EDA: variants seen among roughly 807,000 people sequenced by gnomAD.
The protein encoded by EDA is ectodysplasin A, also known as ectodysplasin-A.
In EDA, 2 loss-of-function variants were observed where a neutral mutation model predicts 23.6. That is an observed-to-expected ratio of 0.08 (90% CI 0.03 to 0.27). The LOEUF is 0.27. EDA is among the 10% of genes least tolerant of loss of function. EDA has a pLI of 1.00. For missense variants in EDA, 229 were observed against 324.2 expected, an observed-to-expected ratio of 0.71 and a Z score of 2.26; for synonymous variants, 131 against 132.0, an observed-to-expected ratio of 0.99 and a Z score of 0.05.
intron 1 of EDA, among the ~76,000 whole-genome samples, chrX:69,820,426 G>A (rs2016191380): frequency 8.9e-6 from 1 of 111,940 alleles, no homozygotes; most frequent in African/African-American, 3.2e-5. Flanking sequence ...CTTCTGCACA[G>A]CAAATGAAAC....
chrX:69,947,309 C>T (rs1200403756), intron 1 of EDA, among the ~76,000 whole-genome samples: 2 of 112,264 alleles, frequency 1.8e-5, no homozygotes, highest in Non-Finnish European at 3.8e-5. Flanking sequence ...TACATACAAA[C>T]CATTTTTTTT....
At chrX:69,664,961 T>C (rs1933634312) in intron 1 of EDA, among the ~76,000 whole-genome samples, 1 of 112,130 alleles carries the variant, frequency 8.9e-6, no homozygotes, top group African/African-American at 3.2e-5. Context: ...TCTCCATGCC[T>C]GTGGCAACAT....
chrX:69,685,972 C>T (rs775801194), intron 1 of EDA, among the ~76,000 whole-genome samples: 3 of 112,747 alleles, frequency 2.7e-5, no homozygotes, highest in Non-Finnish European at 5.6e-5. Flanking sequence ...TCATCAAGAA[C>T]ATTCTTAAGT....
intron 1 of EDA, among the ~76,000 whole-genome samples, chrX:69,803,152 A>G (rs2015733313): frequency 9.0e-6 from 1 of 110,605 alleles, no homozygotes; most frequent in Non-Finnish European, 1.9e-5. Flanking sequence ...ATCCATACCA[A>G]CCCTTCTGTG....
chrX:69,674,044 C>CT (rs1251697663), intron 1 of EDA, among the ~76,000 whole-genome samples: 1 of 111,690 alleles, frequency 9.0e-6, no homozygotes, highest in Non-Finnish European at 1.9e-5. Flanking sequence ...TAAATATTTA[C>CT]TTTTCTCTTT....
chrX:69,856,254 G>GGTGTGTGTGTGTGT (rs202079519), intron 1 of EDA, among the ~76,000 whole-genome samples: 10 of 74,940 alleles, frequency 1.3e-4, no homozygotes, highest in East Asian at 4.0e-4. Flanking sequence ...AGTATTCCAT[G>GGTGTGTGTGTGTGT]GTGTGTGTGT....
chrX:69,686,393 C>G (rs900457382), intron 1 of EDA, among the ~76,000 whole-genome samples: 1 of 112,116 alleles, frequency 8.9e-6, no homozygotes, highest in African/African-American at 3.2e-5. Flanking sequence ...TGCAAGGCAC[C>G]AACAGTTTTT....
chrX:69,997,816 G>C (rs2019682032), intron 2 of EDA, among the ~76,000 whole-genome samples: 1 of 112,571 alleles, frequency 8.9e-6, no homozygotes, highest in African/African-American at 3.2e-5. Flanking sequence ...CATAGCTTCA[G>C]AGGTTGCAAG....
intron 1 of EDA, among the ~76,000 whole-genome samples, chrX:69,869,362 A>G (rs2017532254): frequency 9.0e-6 from 1 of 111,337 alleles, no homozygotes; most frequent in Non-Finnish European, 1.9e-5. Context: ...GCCAGTGTCC[A>G]GTAGTCCCCA....
At chrX:69,916,396 CTTTTTTTTT>C (rs782071176) in intron 1 of EDA, among the ~76,000 whole-genome samples, 2 of 58,151 alleles carry the variant, frequency 3.4e-5, no homozygotes, top group Non-Finnish European at 6.0e-5. Flanking sequence ...CTCTACTGTT[CTTTTTTTTT>C]TTTTTTTTTT....
chrX:69,866,933 C>T (rs947676912), intron 1 of EDA, among the ~76,000 whole-genome samples: 1 of 112,197 alleles, frequency 8.9e-6, no homozygotes, highest in Non-Finnish European at 1.9e-5. Context: ...GTAGTCTTGG[C>T]AGAAGCATTG....
At chrX:69,910,370 AGAGAGTGTGTGT>A (rs1418392737) in intron 1 of EDA, among the ~76,000 whole-genome samples, 162 of 46,116 alleles carry the variant, frequency 3.5e-3, no homozygotes, top group African/African-American at 0.01. Context: ...AGAGAGAGAG[AGAGAGTGTGTGT>A]GTGTGTGTGT....
chrX:69,956,841 C>CA (rs2019015454), intron 1 of EDA, among the ~76,000 whole-genome samples, 186 bp from the exon 2 acceptor site: 1 of 111,721 alleles, frequency 9.0e-6, no homozygotes, highest in Non-Finnish European at 1.9e-5. Context: ...AATGTCATGC[C>CA]TACATGATTG....
At chrX:69,740,389 G>A (rs763404244) in intron 1 of EDA, among the ~76,000 whole-genome samples, 3 of 110,688 alleles carry the variant, frequency 2.7e-5, no homozygotes, top group Admixed American at 1.9e-4. Context: ...ATTTTTGAAA[G>A]ATATTTTTTT....
intron 1 of EDA, among the ~76,000 whole-genome samples, chrX:69,723,974 TTTGAGGGCCATCC>T (rs1296763121): frequency 8.9e-6 from 1 of 111,824 alleles, no homozygotes; most frequent in African/African-American, 3.3e-5. Context: ...CTAGATTGCT[TTTGAGGGCCATCC>T]TTGGTGTTAT....
At position 70,029,195 on chromosome X, in the gene EDA, G is replaced by T. The variant is rs184066666; in HGVS notation, c.707-309G>T. On this transcript the variant is annotated intron_variant, in intron 4 of 7. Coordinates refer to ENST00000374552, the MANE Select transcript of EDA (RefSeq NM_001399.5). Reference sequence around the variant, plus strand: ...GAGAAGCCAATGCCATTGCCTCAGGGTCACACAGTGATGGGAATGCTCTCT... The same window carrying T: ...GAGAAGCCAATGCCATTGCCTCAGGTTCACACAGTGATGGGAATGCTCTCT... Among the ~76,000 whole-genome samples, 4 of 112,744 alleles carry T rather than the reference G, an allele frequency of 3.5e-5. No individual in the cohort carries two copies. In the Admixed American group the frequency reaches 3.7e-4, roughly 10 times the overall value.
intron 1 of EDA, among the ~76,000 whole-genome samples, chrX:69,652,247 C>A (rs914111887): frequency 9.0e-6 from 1 of 110,936 alleles, no homozygotes; most frequent in African/African-American, 3.3e-5. Flanking sequence ...CAGGCTAGGG[C>A]AAGCAAGTTG....
At chrX:69,918,149 CTT>C (rs71981189) in intron 1 of EDA, among the ~76,000 whole-genome samples, 12,641 of 73,111 alleles carry the variant, frequency 0.17, 1,122 homozygotes, top group African/African-American at 0.28. Context: ...CCATCCCCTG[CTT>C]TTTTTTTTTT....
intron 1 of EDA, among the ~76,000 whole-genome samples, chrX:69,929,657 T>A (rs2018568696): frequency 9.2e-6 from 1 of 108,451 alleles, no homozygotes; most frequent in African/African-American, 3.4e-5. Flanking sequence ...CTTCCTGGAG[T>A]GTAGATTCTG....
Sources: gnomAD v4.1 joint callset for allele counts (sites outside exome capture counted in the v4.1 genomes callset) on GRCh38, gnomAD v4.1.1 for gene constraint, MANE v1.5 for transcripts, NCBI Gene and HGNC (gene_info 2026-07-23, HGNC 2026-07-21) for gene names.